CFAP97D2: variants seen among roughly 807,000 people sequenced by gnomAD.
The protein encoded by CFAP97D2 is CFAP97 domain containing 2.
chr13:114,217,138 G>C (rs1276604894), intron 4 of CFAP97D2, among the ~76,000 whole-genome samples: 1 of 151,974 alleles, frequency 6.6e-6, no homozygotes. Flanking sequence ...TGATGGGGTT[G>C]AATAAAGAAT....
At chr13:114,182,223 C>T (rs990030030) in intron 1 of CFAP97D2, among the ~76,000 whole-genome samples, 8 of 150,320 alleles carry the variant, frequency 5.3e-5, no homozygotes, top group African/African-American at 1.2e-4. Context: ...GGTACTATGC[C>T]TGGATGTGCA....
chr13:114,219,203 G>T (rs1393591651), intron 4 of CFAP97D2, among the ~76,000 whole-genome samples: 1 of 151,912 alleles, frequency 6.6e-6, no homozygotes, highest in Non-Finnish European at 1.5e-5. Flanking sequence ...AATATCTTTG[G>T]GTCATTTTAT....
intron 4 of CFAP97D2, among the ~76,000 whole-genome samples, chr13:114,218,229 A>G (rs1378495932): frequency 2.0e-5 from 3 of 152,258 alleles, no homozygotes; most frequent in Non-Finnish European, 4.4e-5. Flanking sequence ...TTATGCACCA[A>G]TAGCAGACAA....
chr13:114,182,434 T>A (rs1043361384), intron 1 of CFAP97D2, among the ~76,000 whole-genome samples: 3 of 151,950 alleles, frequency 2.0e-5, no homozygotes, highest in Non-Finnish European at 2.9e-5. Context: ...CCTTCCTCTA[T>A]CTCAACTGCA....
rs2080971044 is a variant in CFAP97D2 at position 114,212,373 on chromosome 13, A to T, written c.480+272A>T. ...TGATTGATTGTAGATTGTGAGAGAA[A>T]GATTTGGTGAAAATAACTTAGCCAG... On this transcript the variant is annotated intron_variant, in intron 4 of 4. Transcript: ENST00000646158. 6 of 276,362 alleles carry T rather than the reference A, an allele frequency of 2.2e-5. No individual in the cohort carries two copies. In the East Asian group the frequency reaches 3.7e-4, roughly 17 times the overall value. The allele number at this position is 276,362 out of a possible 1,614,324, so 17.1% of individuals were successfully genotyped here. A position where few individuals can be genotyped will look rare whatever the true frequency, so the allele number is the denominator to read the frequency against.
At chr13:114,201,754 T>C (rs540770467) in intron 3 of CFAP97D2, among the ~76,000 whole-genome samples, 1 of 152,378 alleles carries the variant, frequency 6.6e-6, no homozygotes, top group African/African-American at 2.4e-5. Context: ...TCTGGAGCAC[T>C]GCAGACCAGT....
Position 114,179,847 on chromosome 13 carries a change from T to C in CFAP97D2, c.90+427T>C, listed in dbSNP as rs539486337. 1.3e-5 allele frequency among the ~76,000 whole-genome samples: 2 copies of C among 152,306 alleles called. No individual in the cohort carries two copies. The highest frequency in any genetic ancestry group is 4.8e-5 in the African/African-American group (2 of 41,574). On this transcript the variant is annotated intron_variant, in intron 1 of 4. Coordinates refer to ENST00000646158, the Ensembl canonical transcript of CFAP97D2. This position sits in a 1 kb window ranked among gnomAD's most constrained non-coding sequence, Gnocchi z 4.8. ...GAGAGGGATGTTGCCATAGGGGTGT[T>C]GCCATGTTGGTCAGGCTAGTCTTGA...
At position 114,203,719 on chromosome 13, in the gene CFAP97D2, C is replaced by T. The variant is rs1191021831; in HGVS notation, c.290+3276C>T. Among the ~76,000 whole-genome samples, 1 of 152,230 alleles carries T rather than the reference C, an allele frequency of 6.6e-6. No individual in the cohort carries two copies. On this transcript the variant is annotated intron_variant, in intron 3 of 4. Transcript: ENST00000646158. The surrounding 1 kb of genome is among the most constrained non-coding windows in gnomAD (Gnocchi z 4.3). ...CCACACAGGAACTGAAGAGGCCAGGCTCCTCCCCTGCCCGTGGCTTCACCC... is the reference window on the plus strand; with the variant it reads ...CCACACAGGAACTGAAGAGGCCAGGTTCCTCCCCTGCCCGTGGCTTCACCC...
chr13:114,206,228 G>A (rs188853801), intron 3 of CFAP97D2, among the ~76,000 whole-genome samples: 232 of 150,768 alleles, frequency 1.5e-3, no homozygotes, highest in African/African-American at 5.2e-3. Context: ...TCAGCCTCCC[G>A]AGTAGCTGGG....
intron 4 of CFAP97D2, among the ~76,000 whole-genome samples, chr13:114,214,629 C>G (rs1386775158): frequency 6.6e-6 from 1 of 151,222 alleles, no homozygotes; most frequent in East Asian, 1.9e-4. Flanking sequence ...CTCTGTCACC[C>G]AGGCTGGAGT....
At chr13:114,219,069 C>T (rs1050569504) in intron 4 of CFAP97D2, among the ~76,000 whole-genome samples, 9 of 152,190 alleles carry the variant, frequency 5.9e-5, no homozygotes, top group African/African-American at 1.9e-4. Flanking sequence ...GCAAAAGAAA[C>T]TACCATCAGA....
At chr13:114,221,674 T>C (rs545167056) in intron 4 of CFAP97D2, among the ~76,000 whole-genome samples, 2 of 151,892 alleles carry the variant, frequency 1.3e-5, no homozygotes, top group South Asian at 2.1e-4. Flanking sequence ...GTAACAAACC[T>C]GCACATTGTG....
At chr13:114,195,350 C>T (rs933585593) in intron 1 of CFAP97D2, among the ~76,000 whole-genome samples, 6 of 152,168 alleles carry the variant, frequency 3.9e-5, no homozygotes, top group African/African-American at 1.4e-4. Flanking sequence ...TCCATCTGCC[C>T]CTTTCTCCAC....
chr13:114,196,879 C>T (rs2080889985), intron 2 of CFAP97D2, among the ~76,000 whole-genome samples: 1 of 152,184 alleles, frequency 6.6e-6, no homozygotes, highest in African/African-American at 2.4e-5. Flanking sequence ...ACATTGGTTT[C>T]GTCCAGAAAG....
intron 3 of CFAP97D2, among the ~76,000 whole-genome samples, chr13:114,206,737 G>A (rs984535146): frequency 6.6e-6 from 1 of 152,208 alleles, no homozygotes; most frequent in African/African-American, 2.4e-5. Flanking sequence ...TGACTGTTGA[G>A]GACTGTGGGC....
intron 4 of CFAP97D2, among the ~76,000 whole-genome samples, chr13:114,220,445 T>A (rs1195517767): frequency 6.6e-6 from 1 of 152,164 alleles, no homozygotes. Flanking sequence ...AAATATTAAC[T>A]CGCAAAATTT....
intron 1 of CFAP97D2, among the ~76,000 whole-genome samples, 186 bp from the exon 2 acceptor site, chr13:114,196,210 C>T (rs561144855): frequency 6.6e-6 from 1 of 152,192 alleles, no homozygotes; most frequent in South Asian, 2.1e-4. Flanking sequence ...AGGCTCATTT[C>T]TGAGGGTGCC....
Position 114,179,540 on chromosome 13 carries a change from T to C in CFAP97D2, c.90+120T>C, listed in dbSNP as rs749093847. 46 of 396,532 alleles carry C rather than the reference T, an allele frequency of 1.2e-4. No individual in the cohort carries two copies. The highest frequency in any genetic ancestry group is 2.2e-4 in the Admixed American group (5 of 22,696). 24.6% of individuals were successfully genotyped at this position (396,532 alleles called of 1,614,324 possible). Reference sequence around the variant, plus strand: ...GATTTTCTTTTTGGAGACAGCATGGTTGAAATGACATTTCCTAACAAGATT... The same window carrying C: ...GATTTTCTTTTTGGAGACAGCATGGCTGAAATGACATTTCCTAACAAGATT... On this transcript the variant is annotated intron_variant, in intron 1 of 4. Coordinates refer to ENST00000646158, the Ensembl canonical transcript of CFAP97D2. This position sits in a 1 kb window ranked among gnomAD's most constrained non-coding sequence, Gnocchi z 4.8.
chr13:114,204,131 A>G (rs1392576764), intron 3 of CFAP97D2, among the ~76,000 whole-genome samples: 1 of 152,190 alleles, frequency 6.6e-6, no homozygotes, highest in East Asian at 1.9e-4. Context: ...AGGAAAATAC[A>G]TTTCGAGGAG....
Sources: allele counts gnomAD v4.1 joint callset (sites outside exome capture counted in the v4.1 genomes callset), GRCh38; gene constraint gnomAD v4.1.1; non-coding constraint Gnocchi (gnomAD v3.1); transcripts MANE v1.5; gene names NCBI Gene and HGNC (gene_info 2026-07-23, HGNC 2026-07-21).